GCFC2: variants seen among roughly 807,000 people sequenced by gnomAD.
GCFC2 encodes GC-rich sequence DNA-binding factor 2.
In GCFC2, 102 loss-of-function variants were observed where a neutral mutation model predicts 99.4. The observed-to-expected ratio is 1.03, with a 90% CI of 0.87 to 1.21. The LOEUF (loss-of-function observed/expected upper bound fraction) is 1.21, where lower values mean the gene tolerates loss of function less well. Ranked by LOEUF, GCFC2 falls within the 50% of genes most tolerant of loss-of-function variation. The pLI, the probability that GCFC2 is intolerant of heterozygous loss-of-function variation, is 0.00. For missense variants in GCFC2, 973 were observed against 920.9 expected (o/e 1.06, Z -0.73); for synonymous variants, 338 against 316.8 (o/e 1.07, Z -0.71).
intron 4 of GCFC2, among the ~76,000 whole-genome samples, chr2:75,698,686 C>G (rs1253331816): frequency 6.6e-6 from 1 of 152,086 alleles, no homozygotes. Context: ...ATCTGTTGGA[C>G]TACTAGCTCT....
intron 1 of GCFC2, among the ~76,000 whole-genome samples, chr2:75,708,175 G>A (rs1207940032): frequency 1.3e-5 from 2 of 152,162 alleles, no homozygotes; most frequent in East Asian, 1.9e-4. Flanking sequence ...CTCAAAACAT[G>A]AGCCCGGTTG....
At chr2:75,683,454 TG>T (rs1426190521) in intron 11 of GCFC2, among the ~76,000 whole-genome samples, 4 of 151,796 alleles carry the variant, frequency 2.6e-5, no homozygotes, top group Non-Finnish European at 5.9e-5. Flanking sequence ...GCGCTAAACA[TG>T]GAAAGGTACA....
rs766389263 is a variant in GCFC2 at position 75,702,373 on chromosome 2, A to G, written c.445T>C (p.Leu149=). ...FIQAARRKRE[L]ARAQDDYISL... ...ATATAGTCATCTTGGGCCCTGGCCA[A>G]TTCACGTTTTCTGCGGGCTGCCTGA... The change falls in exon 3 of 17, where the codon TTG becomes CTG. Residue 149 remains leucine, a synonymous_variant. Coordinates refer to ENST00000321027, the MANE Select transcript of GCFC2 (RefSeq NM_003203.5). The G allele has an allele frequency of 4.3e-6, 7 of 1,612,930 alleles. No individual in the cohort carries two copies. The East Asian group carries it at 1.6e-4, about 36-fold the overall frequency.
chr2:75,692,172 A>ATATATATAT, intron 6 of GCFC2, 72 bp from the exon 7 acceptor site: 1 of 261,042 alleles, frequency 3.8e-6, no homozygotes, highest in African/African-American at 2.7e-5. Flanking sequence ...TATATATATA[A>ATATATATAT]AAGTAATATT....
At position 75,672,381 on chromosome 2, in the gene GCFC2, A is replaced by G. The variant is rs76604422; in HGVS notation, c.1890-365T>C. On this transcript the variant is annotated intron_variant, in intron 13 of 16. Coordinates refer to ENST00000321027, the MANE Select transcript of GCFC2 (RefSeq NM_003203.5). ...ATAAAATATATATTTATAAACAAAT[A>G]ACTAATATATCACATTCATACATCT... 9.6e-3 allele frequency among the ~76,000 whole-genome samples: 1,408 copies of G among 146,758 alleles called. 27 individuals are homozygous for G. Among genetic ancestry groups the G allele is most frequent in the African/African-American group, 0.034 (1,315 of 38,508 alleles).
intron 11 of GCFC2, among the ~76,000 whole-genome samples, chr2:75,687,472 A>G (rs1679871523): frequency 6.6e-6 from 1 of 152,142 alleles, no homozygotes; most frequent in African/African-American, 2.4e-5. Flanking sequence ...CAAAGAGGTG[A>G]CAAGCAGACA....
chr2:75,702,242 A>G lies in GCFC2; in HGVS notation c.576T>C (p.Thr192=), dbSNP rs142088970. 6.2e-7 allele frequency: 1 copy of G among 1,611,150 alleles called. No homozygotes were observed. Among genetic ancestry groups the G allele is most frequent in the South Asian group, 1.1e-5 (1 of 91,010 alleles). The part of the protein sequence containing the change: ...PDDHEKRIPF[T]LRPQTLRQRM... ...TTTGTCTAAGTGTTTGAGGTCTTAGAGTAAATGGTATTCTCTTTTCATGGT... is the reference window on the plus strand; with the variant it reads ...TTTGTCTAAGTGTTTGAGGTCTTAGGGTAAATGGTATTCTCTTTTCATGGT... Residue 192 remains threonine, a synonymous_variant, in exon 3 of 17, where the codon ACT becomes ACC. Coordinates refer to ENST00000321027, the MANE Select transcript of GCFC2 (RefSeq NM_003203.5).
At chr2:75,692,710 T>C (rs997579846) in intron 6 of GCFC2, among the ~76,000 whole-genome samples, 2 of 150,818 alleles carry the variant, frequency 1.3e-5, no homozygotes, top group East Asian at 3.9e-4. Flanking sequence ...AAGTTTGAGA[T>C]AGAAGATTTT....
chr2:75,683,630 A>G (rs1340846985), intron 11 of GCFC2, among the ~76,000 whole-genome samples: 1 of 152,180 alleles, frequency 6.6e-6, no homozygotes, highest in Admixed American at 6.5e-5. Flanking sequence ...AAAAGCCCCA[A>G]TTAAAAGACA....
At chr2:75,692,728 G>T (rs1275375632) in intron 6 of GCFC2, among the ~76,000 whole-genome samples, 1 of 151,124 alleles carries the variant, frequency 6.6e-6, no homozygotes, top group Non-Finnish European at 1.5e-5. Context: ...TTTTTTTTGA[G>T]ACAGAAGAAT....
chr2:75,683,620 A>G (rs1679672847), intron 11 of GCFC2, among the ~76,000 whole-genome samples: 1 of 152,164 alleles, frequency 6.6e-6, no homozygotes, highest in African/African-American at 2.4e-5. Flanking sequence ...TAAATGGGCT[A>G]AAAGCCCCAA....
Position 75,689,182 on chromosome 2 carries a change from T to C in GCFC2, c.1383A>G (p.Gln461=), listed in dbSNP as rs1679943906. ...QKQKKVFEEV[Q]DDFCNIQNIL... is the part of the protein sequence containing the mutation. ...TATTCTGGATGTTACAAAAATCATC[T>C]TGCACTTCTTCAAAAACTTTCTTCT... The change falls in exon 10 of 17, where the codon CAA becomes CAG. Residue 461 remains glutamine, a synonymous_variant. Transcript: ENST00000321027. The C allele has an allele frequency of 1.2e-6, 2 of 1,604,674 alleles. No homozygotes were observed. Among genetic ancestry groups the C allele is most frequent in the Non-Finnish European group, 1.7e-6 (2 of 1,174,346 alleles).
Position 75,710,789 on chromosome 2 carries a change from C to A in GCFC2, c.67G>T (p.Glu23Ter), listed in dbSNP as rs866220300. ...GCCCCAGGCTCAGCAGGCGACTCCT[C>A]GGCGCCATCGCTGTCGCTGGAATCA... is the stretch of plus-strand genomic sequence containing the variant. The part of the protein sequence containing the change: ...AADSSDSDGA[E>*]ESPAEPGAPR... The change falls in exon 1 of 17, where the codon GAG (glutamate) becomes TAG (stop). Residue 23 changes from glutamate (E) to a stop codon, truncating the protein, a stop_gained. Coordinates refer to ENST00000321027, the MANE Select transcript of GCFC2 (RefSeq NM_003203.5). LOFTEE classifies it high-confidence loss of function. 6.3e-7 allele frequency: 1 copy of A among 1,576,308 alleles called. No homozygotes were observed.
intron 10 of GCFC2, among the ~76,000 whole-genome samples, chr2:75,688,510 C>T (rs1427304967): frequency 6.6e-6 from 1 of 151,814 alleles, no homozygotes; most frequent in Non-Finnish European, 1.5e-5. Flanking sequence ...AGTTTATATT[C>T]CTTAACTTAG....
intron 7 of GCFC2, chr2:75,690,993 T>C (rs1305967976): frequency 3.4e-6 from 1 of 291,666 alleles, no homozygotes; most frequent in Non-Finnish European, 6.3e-6. Flanking sequence ...CCACAAAGTT[T>C]CGTTTTCTCA....
At chr2:75,694,170 T>C (rs1451763655) in intron 6 of GCFC2, 71 bp downstream of exon 6, 3 of 446,060 alleles carry the variant, frequency 6.7e-6, no homozygotes, top group Non-Finnish European at 1.2e-5. Context: ...TTGTGAGATT[T>C]AGACTTTTCT....
Position 75,662,787 on chromosome 2 carries a change from G to A in GCFC2, c.*1879C>T, listed in dbSNP as rs910283674. ...TCTGTGCTGAACTTAAATATATAAA[G>A]GAACACGTCCAACATATTTAGTTAA... On this transcript the variant is annotated 3_prime_UTR_variant, in exon 17 of 17. Coordinates refer to ENST00000321027, the MANE Select transcript of GCFC2 (RefSeq NM_003203.5). 6.6e-6 allele frequency: 1 copy of A among 151,502 alleles called. No homozygotes were observed. Among genetic ancestry groups the A allele is most frequent in the African/African-American group, 2.4e-5 (1 of 41,200 alleles). The allele number at this position is 151,502 out of a possible 1,614,324, so 9.4% of individuals were successfully genotyped here. A position where few individuals can be genotyped will look rare whatever the true frequency, so the allele number is the denominator to read the frequency against.
chr2:75,667,341 C>A (rs560726458), intron 15 of GCFC2, among the ~76,000 whole-genome samples: 106 of 152,070 alleles, frequency 7.0e-4, no homozygotes, highest in Non-Finnish European at 1.3e-3. Flanking sequence ...ACAGATTATG[C>A]TACATTTGGT....
chr2:75,677,964 C>T (rs1679422130), intron 12 of GCFC2, among the ~76,000 whole-genome samples: 1 of 144,926 alleles, frequency 6.9e-6, no homozygotes, highest in East Asian at 2.0e-4. Flanking sequence ...GGTGACAGAG[C>T]AAGACTCCGC....
Sources: allele counts gnomAD v4.1 joint callset (sites outside exome capture counted in the v4.1 genomes callset), GRCh38; gene constraint gnomAD v4.1.1; transcripts MANE v1.5; gene names NCBI Gene and HGNC (gene_info 2026-07-23, HGNC 2026-07-21).